The following MAD1L1 variants were observed in gnomAD, a reference collection of about 807,000 sequenced individuals.
MAD1L1 encodes the protein mitotic arrest deficient 1 like 1.
MAD1L1 carries 95 observed loss-of-function variants against 96.9 expected under a neutral mutation model. That is an observed-to-expected ratio of 0.98 (90% CI 0.83 to 1.16). The LOEUF is 1.16. MAD1L1 is among the 50% of genes most tolerant of loss of function. The probability of loss-of-function intolerance (pLI) is 0.00; values close to 1 mark genes in which losing one functional copy is unlikely to be tolerated. For synonymous variants in MAD1L1, 473 were observed against 396.6 expected (o/e 1.19, Z -2.29); for missense variants, 1,007 against 954.4 (o/e 1.06, Z -0.73).
intron 16 of MAD1L1, among the ~76,000 whole-genome samples, chr7:1,945,382 A>C (rs1779182692): frequency 6.6e-6 from 1 of 152,096 alleles, no homozygotes; most frequent in Non-Finnish European, 1.5e-5. Context: ...CACTTACTAC[A>C]CTCGGATGTG....
chr7:2,033,095 G>C (rs965003547), intron 12 of MAD1L1, among the ~76,000 whole-genome samples: 52 of 152,234 alleles, frequency 3.4e-4, no homozygotes, highest in African/African-American at 1.3e-3. Flanking sequence ...GCAGAACTCC[G>C]AGAGCTCACG....
chr7:1,967,333 T>C (rs916807117), intron 15 of MAD1L1, among the ~76,000 whole-genome samples: 1 of 151,682 alleles, frequency 6.6e-6, no homozygotes, highest in Non-Finnish European at 1.5e-5. Context: ...GCAGGAAGCA[T>C]GAAAAGGAAA....
Position 2,079,673 on chromosome 7 carries a change from C to T in MAD1L1, c.1074-10335G>A, listed in dbSNP as rs568753924. On this transcript the variant is annotated intron_variant, in intron 11 of 18. Transcript: ENST00000265854. The stretch of plus-strand genomic sequence containing the variant: ...TTCACTCCCAACCATAATGAATAAT[C>T]CAGTTTAGCTGATCAGCTACCAACC... 11 of 471,012 alleles carry T rather than the reference C, an allele frequency of 2.3e-5. No individual in the cohort carries two copies. In the East Asian group the frequency reaches 6.9e-4, roughly 30 times the overall value. The allele number at this position is 471,012 out of a possible 1,614,324, so 29.2% of individuals were successfully genotyped here. A position where few individuals can be genotyped will look rare whatever the true frequency, so the allele number is the denominator to read the frequency against.
At chr7:1,997,775 C>T (rs1351821326) in intron 14 of MAD1L1, among the ~76,000 whole-genome samples, 1 of 152,232 alleles carries the variant, frequency 6.6e-6, no homozygotes, top group Non-Finnish European at 1.5e-5. Context: ...GCCCCAACCA[C>T]GGTGTCTGTA....
At position 2,027,901 on chromosome 7, in the gene MAD1L1, A is replaced by C. The variant is rs200505982; in HGVS notation, c.1219-13259T>G. On this transcript the variant is annotated intron_variant, in intron 12 of 18. Coordinates refer to ENST00000265854, the MANE Select transcript of MAD1L1 (RefSeq NM_001013836.2). ...TGAAAGGTACGAAGATCAAGAAGACAATGAAAGCTATTATTAAATCACTCA... is the reference window on the plus strand; with the variant it reads ...TGAAAGGTACGAAGATCAAGAAGACCATGAAAGCTATTATTAAATCACTCA... Among the ~76,000 whole-genome samples, 10 of 152,378 alleles carry C rather than the reference A, an allele frequency of 6.6e-5. No homozygotes were observed. The East Asian group carries it at 1.7e-3, about 26-fold the overall frequency.
At position 1,833,892 on chromosome 7, in the gene MAD1L1, G is replaced by A. The variant is rs534811129; in HGVS notation, c.1999-17664C>T. Among the ~76,000 whole-genome samples, 52 of 152,328 alleles carry A rather than the reference G, an allele frequency of 3.4e-4. No individual in the cohort carries two copies. In the Middle Eastern group the frequency reaches 0.014, roughly 40 times the overall value. On this transcript the variant is annotated intron_variant, in intron 18 of 18. Coordinates refer to ENST00000265854, the MANE Select transcript of MAD1L1 (RefSeq NM_001013836.2). ...GAACCTGGAAGGCAGAGGTTGCAGTGAGCTGAGATTGCGCCATGCACTCCA... is the reference window on the plus strand; with the variant it reads ...GAACCTGGAAGGCAGAGGTTGCAGTAAGCTGAGATTGCGCCATGCACTCCA...
At chr7:2,007,568 G>A (rs1281316743) in intron 13 of MAD1L1, among the ~76,000 whole-genome samples, 1 of 152,204 alleles carries the variant, frequency 6.6e-6, no homozygotes, top group African/African-American at 2.4e-5. Context: ...CAGCTACTCA[G>A]GATACCAAGG....
intron 12 of MAD1L1, among the ~76,000 whole-genome samples, chr7:2,065,438 C>A (rs565688194): frequency 6.6e-6 from 1 of 152,186 alleles, no homozygotes; most frequent in Non-Finnish European, 1.5e-5. Flanking sequence ...TGTTTGTGGA[C>A]GGTTTTTTGA....
intron 12 of MAD1L1, among the ~76,000 whole-genome samples, chr7:2,034,255 C>T (rs1464288716): frequency 1.3e-5 from 2 of 148,368 alleles, no homozygotes; most frequent in African/African-American, 5.1e-5. Flanking sequence ...GTCTCGCTGT[C>T]GCCCAGGCTG....
At chr7:2,162,872 CTTTTT>C (rs1027364147) in intron 10 of MAD1L1, among the ~76,000 whole-genome samples, 3,319 of 133,860 alleles carry the variant, frequency 0.025, 38 homozygotes, top group Non-Finnish European at 0.036. Context: ...GGAGTTTCAT[CTTTTT>C]TTTTTTTTTT....
chr7:2,106,229 G>A (rs969975672), intron 11 of MAD1L1, among the ~76,000 whole-genome samples: 22 of 152,124 alleles, frequency 1.4e-4, no homozygotes, highest in East Asian at 7.8e-4. Flanking sequence ...CCTCCACTGC[G>A]TCGGTGCCTT....
intron 18 of MAD1L1, among the ~76,000 whole-genome samples, chr7:1,851,093 C>CA (rs1312626255): frequency 6.6e-6 from 1 of 152,252 alleles, no homozygotes; most frequent in Non-Finnish European, 1.5e-5. Context: ...CCACAGGCCA[C>CA]AAGCGTCTGT....
At chr7:1,827,073 G>C (rs1356870885) in intron 18 of MAD1L1, among the ~76,000 whole-genome samples, 1 of 152,244 alleles carries the variant, frequency 6.6e-6, no homozygotes, top group South Asian at 2.1e-4. Flanking sequence ...CCGAGGGAGT[G>C]GGGGCGCCGG....
intron 18 of MAD1L1, among the ~76,000 whole-genome samples, chr7:1,833,223 T>C (rs1294542801): frequency 1.3e-5 from 2 of 152,286 alleles, no homozygotes; most frequent in African/African-American, 4.8e-5. Context: ...CTTGCTTTAT[T>C]GTGATATTGG....
chr7:1,876,149 T>C (rs1785376471), intron 18 of MAD1L1, among the ~76,000 whole-genome samples: 1 of 152,138 alleles, frequency 6.6e-6, no homozygotes, highest in South Asian at 2.1e-4. Flanking sequence ...TTTGGTGAAC[T>C]AGCCCCTTGG....
At chr7:1,920,054 G>A (rs1788681101) in intron 17 of MAD1L1, among the ~76,000 whole-genome samples, 1 of 151,910 alleles carries the variant, frequency 6.6e-6, no homozygotes, top group Non-Finnish European at 1.5e-5. Context: ...CGCACAGCAG[G>A]GCTGCAGCAG....
chr7:1,917,912 GA>G (rs1273811873), intron 17 of MAD1L1, among the ~76,000 whole-genome samples: 1 of 152,200 alleles, frequency 6.6e-6, no homozygotes, highest in Non-Finnish European at 1.5e-5. Context: ...GGCTAGCGGG[GA>G]CGGAGGGCGG....
chr7:2,198,729 GC>G (rs546981297), intron 10 of MAD1L1, among the ~76,000 whole-genome samples: 2 of 152,192 alleles, frequency 1.3e-5, no homozygotes, highest in South Asian at 4.1e-4. Flanking sequence ...TCCCAGGGAG[GC>G]CCAGAGCCAC....
intron 11 of MAD1L1, among the ~76,000 whole-genome samples, chr7:2,148,132 C>G (rs886296049): frequency 6.6e-6 from 1 of 152,210 alleles, no homozygotes; most frequent in Non-Finnish European, 1.5e-5. Context: ...CCAACACAAC[C>G]AGATGCTTCT....
Sources: allele counts gnomAD v4.1 joint callset (sites outside exome capture counted in the v4.1 genomes callset), GRCh38; gene constraint gnomAD v4.1.1; transcripts MANE v1.5; gene names NCBI Gene and HGNC (gene_info 2026-07-23, HGNC 2026-07-21).